The following GPC6 variants were observed in gnomAD, a reference collection of about 807,000 sequenced individuals.
The protein encoded by GPC6 is glypican-6.
Under a neutral mutation model 55.2 loss-of-function variants are expected in GPC6, and 14 were observed. The observed-to-expected ratio is 0.25, with a 90% CI of 0.17 to 0.40. The LOEUF (loss-of-function observed/expected upper bound fraction) is 0.40. Ranked by LOEUF, GPC6 falls within the 10% of genes least tolerant of loss-of-function variation. GPC6 has a pLI of 1.00. For missense variants in GPC6, 641 were observed against 708.5 expected (o/e 0.90, Z 1.08); for synonymous variants, 278 against 259.6 (o/e 1.07, Z -0.68).
At chr13:93,537,120 A>G (rs1211979779) in intron 1 of GPC6, among the ~76,000 whole-genome samples, 1 of 152,116 alleles carries the variant, frequency 6.6e-6, no homozygotes, top group Non-Finnish European at 1.5e-5. Context: ...CGCGCCCCAA[A>G]TATCTATGTC....
the GPC6 span, among the ~76,000 whole-genome samples, chr13:93,217,938 A>T: frequency 6.6e-6 from 1 of 152,176 alleles, no homozygotes; most frequent in Non-Finnish European, 1.5e-5. Flanking sequence ...AATTAAAAGC[A>T]AACAGCATTG....
At chr13:93,514,571 T>C (rs1394140526) in intron 1 of GPC6, among the ~76,000 whole-genome samples, 1 of 152,214 alleles carries the variant, frequency 6.6e-6, no homozygotes, top group African/African-American at 2.4e-5. Context: ...GCATATGCAA[T>C]GGTCATTGGA....
intron 2 of GPC6, among the ~76,000 whole-genome samples, chr13:93,579,252 G>A (rs1876818677): frequency 6.6e-6 from 1 of 152,008 alleles, no homozygotes; most frequent in Non-Finnish European, 1.5e-5. Context: ...TAATTCAAAT[G>A]TTCCTAGCAT....
intron 1 of GPC6, among the ~76,000 whole-genome samples, chr13:93,334,686 C>T (rs904694319): frequency 2.0e-5 from 3 of 152,118 alleles, no homozygotes; most frequent in Non-Finnish European, 2.9e-5. Flanking sequence ...GGGATAGTCT[C>T]GAACCCCTGA....
chr13:93,244,303 C>T (rs1190273756), intron 1 of GPC6, among the ~76,000 whole-genome samples: 4 of 152,218 alleles, frequency 2.6e-5, no homozygotes, highest in African/African-American at 9.6e-5. Context: ...CAGTGCAAGA[C>T]TGCCACACAC....
chr13:93,339,504 A>G (rs1880163396), intron 1 of GPC6, among the ~76,000 whole-genome samples: 1 of 152,046 alleles, frequency 6.6e-6, no homozygotes, highest in Non-Finnish European at 1.5e-5. Flanking sequence ...CCTCAGTCCC[A>G]TGGACAGTGC....
intron 1 of GPC6, among the ~76,000 whole-genome samples, chr13:93,361,548 C>T (rs1881040279): frequency 1.3e-5 from 2 of 152,102 alleles, no homozygotes; most frequent in Non-Finnish European, 2.9e-5. Context: ...TAAATATTTC[C>T]TTTATTCATT....
At chr13:94,298,802 C>A (rs1875486804) in intron 5 of GPC6, among the ~76,000 whole-genome samples, 2 of 152,174 alleles carry the variant, frequency 1.3e-5, no homozygotes, top group African/African-American at 4.8e-5. Context: ...ATGATTCATT[C>A]CTTCAGTCTG....
At chr13:94,253,223 G>C (rs1891411129) in intron 4 of GPC6, among the ~76,000 whole-genome samples, 2 of 152,082 alleles carry the variant, frequency 1.3e-5, no homozygotes, top group South Asian at 4.2e-4. Flanking sequence ...AAATGAGAAG[G>C]GTTACAAGAG....
chr13:93,862,859 T>C (rs75446141), intron 3 of GPC6, among the ~76,000 whole-genome samples: 3,138 of 151,784 alleles, frequency 0.021, 50 homozygotes, highest in East Asian at 0.056. Context: ...TTATCATTTT[T>C]TTTCTCTCTC....
At chr13:93,582,614 G>A (rs78185392) in intron 2 of GPC6, among the ~76,000 whole-genome samples, 9,126 of 152,184 alleles carry the variant, frequency 0.06, 881 homozygotes, top group African/African-American at 0.2. Flanking sequence ...AGCTTGATAA[G>A]GTACTCTTTA....
At chr13:94,158,627 G>A (rs1399138038) in intron 4 of GPC6, among the ~76,000 whole-genome samples, 2 of 152,082 alleles carry the variant, frequency 1.3e-5, no homozygotes, top group Non-Finnish European at 2.9e-5. Flanking sequence ...TAATTAGGAT[G>A]TAATTAGAAG....
chr13:94,133,974 G>T (rs1288465766), intron 4 of GPC6, among the ~76,000 whole-genome samples: 2 of 152,028 alleles, frequency 1.3e-5, no homozygotes, highest in African/African-American at 2.4e-5. Flanking sequence ...AAGTTATTAG[G>T]ACATTAATCA....
chr13:94,285,002 A>G (rs914016217), intron 4 of GPC6, among the ~76,000 whole-genome samples: 2 of 152,132 alleles, frequency 1.3e-5, no homozygotes, highest in African/African-American at 4.8e-5. Context: ...ATCTAATTTT[A>G]TTTCATATTT....
chr13:93,681,658 G>A (rs1881849849), intron 2 of GPC6, among the ~76,000 whole-genome samples: 1 of 152,000 alleles, frequency 6.6e-6, no homozygotes, highest in Non-Finnish European at 1.5e-5. Context: ...ATTTATCATA[G>A]CAATTTCAAT....
intron 5 of GPC6, among the ~76,000 whole-genome samples, chr13:94,288,898 A>AAT (rs566853244): frequency 2.3e-5 from 3 of 129,044 alleles, no homozygotes; most frequent in Admixed American, 8.4e-5. Flanking sequence ...ATATATAACA[A>AAT]ATATATATAT....
At chr13:94,185,618 C>T (rs1889152089) in intron 4 of GPC6, among the ~76,000 whole-genome samples, 1 of 151,428 alleles carries the variant, frequency 6.6e-6, no homozygotes, top group African/African-American at 2.4e-5. Flanking sequence ...AAAAAGATAC[C>T]ATCAATGTAA....
At chr13:94,136,578 T>C (rs531723515) in intron 4 of GPC6, among the ~76,000 whole-genome samples, 1 of 152,190 alleles carries the variant, frequency 6.6e-6, no homozygotes, top group African/African-American at 2.4e-5. Context: ...GGTATGGTGG[T>C]GGGTGCCTGT....
intron 3 of GPC6, among the ~76,000 whole-genome samples, chr13:94,017,147 T>C (rs958727281): frequency 2.0e-5 from 3 of 152,230 alleles, no homozygotes; most frequent in East Asian, 1.9e-4. Context: ...TTCTTAACTT[T>C]CTTTTCCCAT....
Sources: allele counts gnomAD v4.1 joint callset (sites outside exome capture counted in the v4.1 genomes callset), GRCh38; gene constraint gnomAD v4.1.1; transcripts MANE v1.5; gene names NCBI Gene and HGNC (gene_info 2026-07-23, HGNC 2026-07-21).